Variants in SLC10A1 observed in about 807,000 individuals in gnomAD.
SLC10A1 encodes hepatic sodium/bile acid cotransporter.
In SLC10A1, 36 loss-of-function variants were observed where a neutral mutation model predicts 20.5. The observed-to-expected ratio is 1.75, with a 90% CI of 1.34 to 2.32. SLC10A1 has a LOEUF of 2.32. SLC10A1 is among the 30% of genes most tolerant of loss of function. The pLI is 0.00. For synonymous variants in SLC10A1, 188 were observed against 163.6 expected (o/e 1.15, Z -1.14); for missense variants, 545 against 439.1 (o/e 1.24, Z -2.16).
At chr14:69,780,410 T>G (rs1019893642) in intron 2 of SLC10A1, among the ~76,000 whole-genome samples, 4 of 152,228 alleles carry the variant, frequency 2.6e-5, no homozygotes, top group African/African-American at 9.6e-5. Context: ...CTTACCATGT[T>G]ATTTTGTAAT....
At chr14:69,784,723 G>C (rs1346116618) in intron 2 of SLC10A1, among the ~76,000 whole-genome samples, 3 of 150,544 alleles carry the variant, frequency 2.0e-5, no homozygotes, top group African/African-American at 7.5e-5. Flanking sequence ...TTTTAGAAAT[G>C]AGAGAGAGGG....
intron 2 of SLC10A1, among the ~76,000 whole-genome samples, chr14:69,780,402 TACC>T (rs1883563298): frequency 6.6e-6 from 1 of 152,186 alleles, no homozygotes; most frequent in Admixed American, 6.5e-5. Context: ...TTCTCAAACT[TACC>T]ATGTTATTTT....
Position 69,775,585 on chromosome 14 carries a change from GA to G in SLC10A1, c.*696del, listed in dbSNP as rs1883428104. On this transcript the variant is annotated 3_prime_UTR_variant, in exon 5 of 5. Coordinates refer to ENST00000216540, the MANE Select transcript of SLC10A1 (RefSeq NM_003049.4). ...CCAAATACCTACTGAACTTAAAAAA[GA>G]GATTATTAGTGAGGTAACATTGTGT... 1 of 152,170 alleles carries G rather than the reference GA, an allele frequency of 6.6e-6. No homozygotes were observed. The highest frequency in any genetic ancestry group is 2.4e-5 in the African/African-American group (1 of 41,432). 9.4% of individuals were successfully genotyped at this position (152,170 alleles called of 1,614,324 possible).
At chr14:69,787,696 C>T (rs773799809) in intron 1 of SLC10A1, among the ~76,000 whole-genome samples, 2 of 152,182 alleles carry the variant, frequency 1.3e-5, no homozygotes, top group African/African-American at 2.4e-5. Context: ...CCCCCACCCC[C>T]GTGAACACTT....
At position 69,776,108 on chromosome 14, in the gene SLC10A1, C is replaced by A; in HGVS notation, c.*174G>T. 1.7e-6 allele frequency: 1 copy of A among 584,374 alleles called. No homozygotes were observed. Among genetic ancestry groups the A allele is most frequent in the Non-Finnish European group, 3.0e-6 (1 of 328,718 alleles). The allele number at this position is 584,374 out of a possible 1,614,324, so 36.2% of individuals were successfully genotyped here. A position where few individuals can be genotyped will look rare whatever the true frequency, so the allele number is the denominator to read the frequency against. ...TCTAAGTTGGGGATAGGTGAGGCTT[C>A]TTGGGTAGACACCCTGTCTGTGTTC... On this transcript the variant is annotated 3_prime_UTR_variant, in exon 5 of 5. Coordinates refer to ENST00000216540, the MANE Select transcript of SLC10A1 (RefSeq NM_003049.4).
intron 1 of SLC10A1, 130 bp from the exon 2 acceptor site, chr14:69,786,437 A>G (rs1160368846): frequency 2.9e-6 from 2 of 686,818 alleles, no homozygotes; most frequent in Non-Finnish European, 5.2e-6. Context: ...TCCCCATAAC[A>G]TTAGGCAGTA....
rs201613448 is a variant in SLC10A1 at position 69,786,222 on chromosome 14, C to T, written c.442G>A (p.Gly148Arg). Residue 148 changes from glycine to arginine, a missense_variant, in exon 2 of 5, where the codon GGG (glycine) becomes AGG (arginine). Gly to Arg is a moderately radical substitution (Grantham distance 125). Transcript: ENST00000216540. ...LYIYSRGIYDGDLKDKVPYKG... is the reference protein window; with the variant it reads ...LYIYSRGIYDRDLKDKVPYKG... ...TAGGGCACCTTGTCCTTCAGGTCCC[C>T]ATCATAGATCCCCCTGGAGTAGATG... 122 of 1,613,834 alleles carry T rather than the reference C, an allele frequency of 7.6e-5. 1 individual carries two copies. The highest frequency in any genetic ancestry group is 1.0e-4 in the Non-Finnish European group (118 of 1,179,976).
At chr14:69,784,512 G>T (rs1883667610) in intron 2 of SLC10A1, among the ~76,000 whole-genome samples, 1 of 152,056 alleles carries the variant, frequency 6.6e-6, no homozygotes. Context: ...TTGAGAGGAA[G>T]CGATTGACAG....
intron 2 of SLC10A1, 82 bp from the exon 3 acceptor site, chr14:69,779,442 G>C: frequency 9.0e-7 from 1 of 1,114,390 alleles, no homozygotes; most frequent in South Asian, 1.7e-5. Context: ...GTAGAAATTG[G>C]AGGTGGGAAA....
intron 2 of SLC10A1, among the ~76,000 whole-genome samples, chr14:69,781,083 T>C (rs1371257861): frequency 6.6e-6 from 1 of 152,122 alleles, no homozygotes; most frequent in Admixed American, 6.5e-5. Flanking sequence ...AGTCTCCAGG[T>C]GTGTAAGCTC....
chr14:69,786,180 A>G lies in SLC10A1; in HGVS notation c.484T>C (p.Ser162Pro), dbSNP rs745341758. The G allele has an allele frequency of 5.6e-6, 9 of 1,613,986 alleles. No individual in the cohort carries two copies. The highest frequency in any genetic ancestry group is 5.3e-5 in the African/African-American group (4 of 74,908). ...CAAGGAATGAGAACCAGGACCAGTG[A>G]TATCACGATGCCTTTATAGGGCACC... is the stretch of plus-strand genomic sequence containing the variant. ...DKVPYKGIVI[S>P]LVLVLIPCTI... Residue 162 changes from serine (S) to proline (P), a missense_variant, in exon 2 of 5, where the codon TCA (serine) becomes CCA (proline). Ser to Pro is a moderately conservative substitution (Grantham distance 74). Coordinates refer to ENST00000216540, the MANE Select transcript of SLC10A1 (RefSeq NM_003049.4).
At position 69,775,695 on chromosome 14, in the gene SLC10A1, T is replaced by C. The variant is rs1172476156; in HGVS notation, c.*587A>G. 1 of 152,288 alleles carries C rather than the reference T, an allele frequency of 6.6e-6. No individual in the cohort carries two copies. The highest frequency in any genetic ancestry group is 1.5e-5 in the Non-Finnish European group (1 of 68,086). The allele number at this position is 152,288 out of a possible 1,614,324, so 9.4% of individuals were successfully genotyped here. ...ATGATGCATTCGCCCAGTTTTTTCA[T>C]TTCATTAGCTATTTTTTGAGTTTGT... On this transcript the variant is annotated 3_prime_UTR_variant, in exon 5 of 5. Transcript: ENST00000216540.
rs1340831852 is a variant in SLC10A1, at chr14:69,789,946, A to C, written c.357-3639T>G. 8.0e-5 allele frequency among the ~76,000 whole-genome samples: 12 copies of C among 150,208 alleles called. No homozygotes were observed. The East Asian group carries it at 2.1e-3, about 27-fold the overall frequency. ...TTTTTTCTTTTTTTTTTTAAAGGCC[A>C]ATTAAATAGGCACCTCTGGCAAGGC... On this transcript the variant is annotated intron_variant, in intron 1 of 4. Transcript: ENST00000216540.
chr14:69,780,955 T>C (rs1004490392), intron 2 of SLC10A1, among the ~76,000 whole-genome samples: 10 of 152,338 alleles, frequency 6.6e-5, no homozygotes, highest in Admixed American at 2.6e-4. Context: ...AGCCCTCTTC[T>C]TCTGTATAGG....
chr14:69,781,250 T>G (rs561391030), intron 2 of SLC10A1, among the ~76,000 whole-genome samples: 1 of 152,348 alleles, frequency 6.6e-6, no homozygotes, highest in South Asian at 2.1e-4. Flanking sequence ...AAATTTATCC[T>G]GTCTACAACC....
At chr14:69,791,953 ATTT>A (rs1233147956) in intron 1 of SLC10A1, among the ~76,000 whole-genome samples, 3 of 144,586 alleles carry the variant, frequency 2.1e-5, no homozygotes, top group Admixed American at 7.0e-5. Flanking sequence ...TAGACAGTAA[ATTT>A]TTTTTTTTTT....
At chr14:69,780,854 A>C (rs1186906865) in intron 2 of SLC10A1, among the ~76,000 whole-genome samples, 2 of 152,136 alleles carry the variant, frequency 1.3e-5, no homozygotes, top group Admixed American at 1.3e-4. Flanking sequence ...TTTGTCCTTT[A>C]CCCAACAGTC....
At chr14:69,796,060 G>A (rs912918107) in intron 1 of SLC10A1, among the ~76,000 whole-genome samples, 8 of 152,208 alleles carry the variant, frequency 5.3e-5, no homozygotes, top group Admixed American at 1.3e-4. Flanking sequence ...TTGGAAGGAT[G>A]AGCATCAACC....
chr14:69,794,558 C>G (rs1340894920), intron 1 of SLC10A1, among the ~76,000 whole-genome samples: 1 of 152,152 alleles, frequency 6.6e-6, no homozygotes, highest in Non-Finnish European at 1.5e-5. Context: ...AGCACTGTGC[C>G]TGGCTGTTTC....
Sources: allele counts gnomAD v4.1 joint callset (sites outside exome capture counted in the v4.1 genomes callset), GRCh38; gene constraint gnomAD v4.1.1; transcripts MANE v1.5; gene names NCBI Gene and HGNC (gene_info 2026-07-23, HGNC 2026-07-21).